Variants in TCF3 observed in about 807,000 individuals in gnomAD.
TCF3 encodes the protein transcription factor 3.
Under a neutral mutation model 72.3 loss-of-function variants are expected in TCF3, and 54 were observed. That is an observed-to-expected ratio of 0.75 (90% CI 0.60 to 0.94). TCF3 has a LOEUF of 0.94. TCF3 is among the 40% of genes least tolerant of loss of function. The pLI, the probability that TCF3 is intolerant of heterozygous loss-of-function variation, is 0.00. For synonymous variants in TCF3, 525 were observed against 412.6 expected, an observed-to-expected ratio of 1.27 and a Z score of -3.30; for missense variants, 1,078 against 934.4, an observed-to-expected ratio of 1.15 and a Z score of -2.00.
intron 13 of TCF3, 55 bp downstream of exon 13, chr19:1,620,913 T>C (rs1322952702): frequency 9.8e-5 from 121 of 1,229,110 alleles, no homozygotes; most frequent in South Asian, 6.7e-4. Context: ...CAGCCTCCCC[T>C]CCCCCCAAAC....
rs557730083 is a variant in TCF3 at position 1,611,933 on chromosome 19, G to C, written c.1823-84C>G. The C allele has an allele frequency of 3.3e-4, 72 of 220,760 alleles. 2 individuals are homozygous for C. Among genetic ancestry groups the C allele is most frequent in the South Asian group, 9.7e-4 (15 of 15,510 alleles). The allele number at this position is 220,760 out of a possible 1,614,324, so 13.7% of individuals were successfully genotyped here. On this transcript the variant is annotated intron_variant, in intron 18 of 18. Transcript: ENST00000262965. ...GTGGGAGTGGGGGGTAGGATGTCGGGGGGGGGGGTGGGGGCAGAGCCCCAT... is the reference window on the plus strand; with the variant it reads ...GTGGGAGTGGGGGGTAGGATGTCGGCGGGGGGGGTGGGGGCAGAGCCCCAT...
rs181654852 is a variant in TCF3 at position 1,631,237 on chromosome 19, T to C, written c.298+801A>G. On this transcript the variant is annotated intron_variant, in intron 5 of 18. Coordinates refer to ENST00000262965, the MANE Select transcript of TCF3 (RefSeq NM_003200.5). ...GATGGCGCTTGCCCAGGTTCCGTGG[T>C]GGGGTGGGACCAGACACCAGGCCTG... Among the ~76,000 whole-genome samples, 6 of 149,448 alleles carry C rather than the reference T, an allele frequency of 4.0e-5. No homozygotes were observed. The East Asian group carries it at 1.2e-3, about 29-fold the overall frequency.
intron 2 of TCF3, among the ~76,000 whole-genome samples, chr19:1,649,842 G>A (rs1217555479): frequency 6.6e-6 from 1 of 152,178 alleles, no homozygotes; most frequent in Non-Finnish European, 1.5e-5. Context: ...CCCTGATCAG[G>A]CCCATTTTAC....
In TCF3 at chr19:1,622,359, G is replaced by A. The variant is rs555847946; in HGVS notation, c.606C>T (p.Ser202=). 1.7e-5 allele frequency: 26 copies of A among 1,531,242 alleles called. No homozygotes were observed. Among genetic ancestry groups the A allele is most frequent in the African/African-American group, 1.1e-4 (8 of 72,978 alleles). The allele number at this position is 1,531,242 out of a possible 1,614,324, so 94.9% of individuals were successfully genotyped here. A position where few individuals can be genotyped will look rare whatever the true frequency, so the allele number is the denominator to read the frequency against. ...DYGRDATAYP[S]AKTPSSTYPA... Reference sequence around the variant, plus strand: ...GATAGGTGCTGCTGGGGGTCTTGGCGGACGGGTAGGCGGTGGCATCCCTGC... The same window carrying A: ...GATAGGTGCTGCTGGGGGTCTTGGCAGACGGGTAGGCGGTGGCATCCCTGC... Residue 202 remains serine, a synonymous_variant, in exon 9 of 19, where the codon TCC becomes TCT. Coordinates refer to ENST00000262965, the MANE Select transcript of TCF3 (RefSeq NM_003200.5).
At chr19:1,649,169 G>A (rs1041499328) in intron 2 of TCF3, among the ~76,000 whole-genome samples, 3 of 152,222 alleles carry the variant, frequency 2.0e-5, no homozygotes, top group Non-Finnish European at 4.4e-5. Flanking sequence ...AGTGATAACC[G>A]TGGCAGTCAC....
chr19:1,644,243 C>T (rs776060501), intron 3 of TCF3, among the ~76,000 whole-genome samples: 3 of 152,228 alleles, frequency 2.0e-5, no homozygotes, highest in Non-Finnish European at 4.4e-5. Context: ...GCGGGAGCTT[C>T]GGGAGGGCCA....
At position 1,615,536 on chromosome 19, in the gene TCF3, C is replaced by T. The variant is rs371749991; in HGVS notation, c.1587-16G>A. ...CTCGTCTGGGCTATGGGGAGGGCGC[C>T]GGGAGGGGGCCAGAGGGAGACAGTG... On this transcript the variant is annotated splice_polypyrimidine_tract_variant and intron_variant, in intron 17 of 18. Transcript: ENST00000262965. The surrounding 1 kb of genome is among the most constrained non-coding windows in gnomAD (Gnocchi z 7.3). The T allele has an allele frequency of 9.3e-6, 15 of 1,604,964 alleles. No homozygotes were observed. The highest frequency in any genetic ancestry group is 1.3e-5 in the Non-Finnish European group (15 of 1,179,636).
chr19:1,639,230 G>A (rs2064890189), intron 3 of TCF3, among the ~76,000 whole-genome samples: 1 of 152,230 alleles, frequency 6.6e-6, no homozygotes, highest in Non-Finnish European at 1.5e-5. Context: ...TTTTAGTAGA[G>A]ATGGAGTTTC....
chr19:1,644,737 T>C (rs2065826594), intron 3 of TCF3, among the ~76,000 whole-genome samples: 1 of 152,012 alleles, frequency 6.6e-6, no homozygotes, highest in African/African-American at 2.4e-5. Context: ...CAGGGACCAA[T>C]CTCACAGTGG....
At chr19:1,640,339 T>A (rs2065057715) in intron 3 of TCF3, among the ~76,000 whole-genome samples, 1 of 151,640 alleles carries the variant, frequency 6.6e-6, no homozygotes, top group African/African-American at 2.4e-5. Context: ...ACCGAGACTG[T>A]CCTGGCTAAC....
chr19:1,650,574 C>T (rs1272820800), intron 1 of TCF3: 2 of 328,258 alleles, frequency 6.1e-6, no homozygotes, highest in African/African-American at 4.2e-5. Context: ...CCAGGGAACA[C>T]CAGGGCATCA....
intron 3 of TCF3, among the ~76,000 whole-genome samples, chr19:1,638,542 G>T (rs2064790143): frequency 6.6e-6 from 1 of 152,108 alleles, no homozygotes; most frequent in South Asian, 2.1e-4. Flanking sequence ...CTCGGACAAT[G>T]TTTTTTAAAA....
intron 2 of TCF3, 125 bp downstream of exon 2, chr19:1,650,052 G>C: frequency 1.0e-6 from 1 of 953,270 alleles, no homozygotes; most frequent in East Asian, 2.7e-5. Context: ...GCCCCACCGG[G>C]GCCTCCCATC....
At chr19:1,646,141 GGGGCT>G (rs1555780222) in intron 3 of TCF3, among the ~76,000 whole-genome samples, 4 of 152,168 alleles carry the variant, frequency 2.6e-5, no homozygotes, top group Non-Finnish European at 5.9e-5. Context: ...GAGGGGACGA[GGGGCT>G]CAGGGGCTCG....
At chr19:1,647,370 G>A (rs1025438012) in intron 2 of TCF3, among the ~76,000 whole-genome samples, 3 of 152,234 alleles carry the variant, frequency 2.0e-5, no homozygotes, top group African/African-American at 7.2e-5. Flanking sequence ...GGGGCTTTCT[G>A]AGGAGCAGCC....
rs1172296481 is a variant in TCF3, at chr19:1,652,546, G to C, written c.-286C>G. 1 of 144,236 alleles carries C rather than the reference G, an allele frequency of 6.9e-6. No individual in the cohort carries two copies. The highest frequency in any genetic ancestry group is 1.5e-5 in the Non-Finnish European group (1 of 65,162). The allele number at this position is 144,236 out of a possible 1,614,324, so 8.9% of individuals were successfully genotyped here. Reference sequence around the variant, plus strand: ...CGGTGCCCGCGGTGCCCGCCGCCGCGTCGGCTCCGGCCCGCTACGCCCGCA... The same window carrying C: ...CGGTGCCCGCGGTGCCCGCCGCCGCCTCGGCTCCGGCCCGCTACGCCCGCA... On this transcript the variant is annotated 5_prime_UTR_variant, in exon 1 of 19. Coordinates refer to ENST00000262965, the MANE Select transcript of TCF3 (RefSeq NM_003200.5).
At position 1,609,466 on chromosome 19, in the gene TCF3, A is replaced by G. The variant is rs1162005987; in HGVS notation, c.*2241T>C. ...TTGAAAACCATCTTGAGGCACTCAG[A>G]TCACACCCCCCACCCCCCATAATTG... On this transcript the variant is annotated 3_prime_UTR_variant, in exon 19 of 19. Transcript: ENST00000262965. The G allele has an allele frequency of 9.4e-6, 2 of 212,076 alleles. No individual in the cohort carries two copies. The highest frequency in any genetic ancestry group is 1.9e-5 in the Non-Finnish European group (2 of 105,308). 13.1% of individuals were successfully genotyped at this position (212,076 alleles called of 1,614,324 possible).
At chr19:1,613,146 C>A (rs746201342) in intron 18 of TCF3, among the ~76,000 whole-genome samples, 1 of 150,980 alleles carries the variant, frequency 6.6e-6, no homozygotes, top group Non-Finnish European at 1.5e-5. Flanking sequence ...AGTACGGGTC[C>A]ACATGCTGAT....
At chr19:1,651,641 G>A (rs1463158996) in intron 1 of TCF3, among the ~76,000 whole-genome samples, 2 of 152,178 alleles carry the variant, frequency 1.3e-5, no homozygotes, top group South Asian at 2.1e-4. Context: ...AAGGCGGGGG[G>A]CGCGCTGGAA....
Sources: gnomAD v4.1 joint callset for allele counts (sites outside exome capture counted in the v4.1 genomes callset) on GRCh38, gnomAD v4.1.1 for gene constraint, Gnocchi (gnomAD v3.1) non-coding constraint, MANE v1.5 for transcripts, NCBI Gene and HGNC (gene_info 2026-07-23, HGNC 2026-07-21) for gene names.